The following TTLL3 variants were observed in gnomAD, a reference collection of about 807,000 sequenced individuals.
TTLL3 encodes tubulin monoglycylase TTLL3.
A neutral mutation model predicts 75.2 loss-of-function variants in TTLL3; 63 were observed. The ratio of observed to expected loss-of-function variants is 0.84; its 90% confidence interval spans 0.68 to 1.03. The LOEUF (loss-of-function observed/expected upper bound fraction) is 1.03. TTLL3 is among the 50% of genes least tolerant of loss of function. The pLI, the probability that TTLL3 is intolerant of heterozygous loss-of-function variation, is 0.00. For missense variants in TTLL3, 997 were observed against 1,069.9 expected, an observed-to-expected ratio of 0.93 and a Z score of 0.95; for synonymous variants, 393 against 418.5, an observed-to-expected ratio of 0.94 and a Z score of 0.74.
Position 9,817,728 on chromosome 3 carries a change from G to A in TTLL3, c.528G>A (p.Leu176=). The A allele has an allele frequency of 6.2e-7, 1 of 1,614,182 alleles. No individual in the cohort carries two copies. Among genetic ancestry groups the A allele is most frequent in the South Asian group, 1.1e-5 (1 of 91,086 alleles). ...ANSFFPRCYC[L]GAEDDKKAFI... ...CCTTCTTCCCACGCTGCTACTGCCT[G>A]GGGGCTGAGGATGACAAAAAAGCCT... The change falls in exon 6 of 14, where the codon CTG becomes CTA. Residue 176 remains leucine, a synonymous_variant. Coordinates refer to ENST00000685419, the MANE Select transcript of TTLL3 (RefSeq NM_001387446.1).
chr3:9,825,297 C>T (rs2080916091), intron 8 of TTLL3: 1 of 182,266 alleles, frequency 5.5e-6, no homozygotes, highest in Admixed American at 5.6e-5. Flanking sequence ...GTGATTTCAC[C>T]ACTGCACTTC....
chr3:9,820,855 G>T, intron 8 of TTLL3, 114 bp downstream of exon 8: 3 of 1,469,040 alleles, frequency 2.0e-6, no homozygotes, highest in Non-Finnish European at 1.8e-6. Context: ...TTACCCCGCT[G>T]TTCTGCTCAG....
Position 9,829,205 on chromosome 3 carries a change from C to T in TTLL3, c.1493C>T (p.Ala498Val), listed in dbSNP as rs925598626. The change falls in exon 11 of 14, where the codon GCT (alanine) becomes GTT (valine). Residue 498 changes from alanine (A) to valine (V), a missense_variant. Ala to Val is a moderately conservative substitution (Grantham distance 64, BLOSUM62 0). Transcript: ENST00000685419. ...AAGGCCAGCTTTGAGCTCTATGGCGCTGACTTCGTGTTCGGGGAGGACTTC... is the reference window on the plus strand; with the variant it reads ...AAGGCCAGCTTTGAGCTCTATGGCGTTGACTTCGTGTTCGGGGAGGACTTC... ...CRKASFELYG[A>V]DFVFGEDFQP... The T allele has an allele frequency of 3.1e-6, 5 of 1,614,228 alleles. No individual in the cohort carries two copies. The highest frequency in any genetic ancestry group is 4.2e-6 in the Non-Finnish European group (5 of 1,180,028).
intron 2 of TTLL3, among the ~76,000 whole-genome samples, chr3:9,812,236 C>T (rs1170782074): frequency 6.6e-6 from 1 of 152,004 alleles, no homozygotes; most frequent in African/African-American, 2.4e-5. Flanking sequence ...TATTTGGGCA[C>T]CAGATGAGGT....
upstream of TTLL3, chr3:9,809,827 A>T (rs1039001973): frequency 6.8e-6 from 3 of 440,224 alleles, no homozygotes; most frequent in Admixed American, 1.4e-4. Flanking sequence ...GCAGCCCCCA[A>T]CCAGCCCCGA....
chr3:9,825,828 ACT>A lies in TTLL3; in HGVS notation c.885_886del (p.Gln296GlyfsTer5). 6.2e-7 allele frequency: 1 copy of A among 1,614,048 alleles called. No individual in the cohort carries two copies. The highest frequency in any genetic ancestry group is 2.2e-5 in the East Asian group (1 of 44,880). On this transcript the variant is annotated frameshift_variant, in exon 9 of 14. Coordinates refer to ENST00000685419, the MANE Select transcript of TTLL3 (RefSeq NM_001387446.1). LOFTEE classifies it high-confidence loss of function. Reference sequence around the variant, plus strand: ...AGGGGCAGAACTCAGGCACCTCGACACTCAGGTCCAGCGCTGTGAGGACATCC... The same window carrying A: ...AGGGGCAGAACTCAGGCACCTCGACACAGGTCCAGCGCTGTGAGGACATCC... ...HEGAELRHLD[T>X]QVQRCEDILQ... is the part of the protein sequence containing the mutation.
Position 9,810,790 on chromosome 3 carries a change from TAAAAAACAAAAGCAAAAG to T in TTLL3, c.48+91_48+108del. 1 of 1,302,730 alleles carries T rather than the reference TAAAAAACAAAAGCAAAAG, an allele frequency of 7.7e-7. No homozygotes were observed. The highest frequency in any genetic ancestry group is 1.4e-5 in the South Asian group (1 of 70,490). The allele number at this position is 1,302,730 out of a possible 1,614,324, so 80.7% of individuals were successfully genotyped here. On this transcript the variant is annotated intron_variant, in intron 2 of 13. Coordinates refer to ENST00000685419, the MANE Select transcript of TTLL3 (RefSeq NM_001387446.1). The surrounding 1 kb of genome is among the most constrained non-coding windows in gnomAD (Gnocchi z 4.4). Reference sequence around the variant, plus strand: ...TCCCTGCGCTGTTTTCTTATATCCTTAAAAAACAAAAGCAAAAGAAAAAACAATAGCAAAAATCCTCAA... The same window carrying T: ...TCCCTGCGCTGTTTTCTTATATCCTTAAAAAACAATAGCAAAAATCCTCAA...
At chr3:9,833,569 C>T (rs1014457972) in intron 12 of TTLL3, among the ~76,000 whole-genome samples, 1 of 152,188 alleles carries the variant, frequency 6.6e-6, no homozygotes, top group Non-Finnish European at 1.5e-5. Context: ...CCCGAGTGTT[C>T]CAAGGCGATT....
At chr3:9,826,032 C>G (rs998600379) in intron 9 of TTLL3, 84 bp downstream of exon 9, 1 of 1,528,002 alleles carries the variant, frequency 6.5e-7, no homozygotes, top group African/African-American at 1.4e-5. Flanking sequence ...TAGTGCAGGT[C>G]TATTGAAGCC....
chr3:9,816,800 C>G (rs1258988463), intron 5 of TTLL3, among the ~76,000 whole-genome samples: 1 of 151,982 alleles, frequency 6.6e-6, no homozygotes, highest in Admixed American at 6.6e-5. Context: ...CGCAGCCTTA[C>G]CTGGTGTTCT....
intron 11 of TTLL3, 59 bp downstream of exon 11, chr3:9,829,454 C>G: frequency 1.3e-6 from 2 of 1,528,102 alleles, no homozygotes; most frequent in East Asian, 4.5e-5. Context: ...CCAGGCAGCC[C>G]TGCAGTGGAG....
intron 10 of TTLL3, chr3:9,828,704 T>G: frequency 1.9e-6 from 1 of 539,952 alleles, no homozygotes; most frequent in Non-Finnish European, 3.3e-6. Flanking sequence ...ACTGAGACTA[T>G]GCACAAAGCA....
At chr3:9,833,296 G>A in intron 12 of TTLL3, 51 bp downstream of exon 12, 1 of 1,602,234 alleles carries the variant, frequency 6.2e-7, no homozygotes, top group Non-Finnish European at 8.5e-7. Context: ...GAAAGGCACT[G>A]GGGCCAGGAG....
At chr3:9,820,318 C>G (rs547199535) in intron 7 of TTLL3, 1 of 1,380,828 alleles carries the variant, frequency 7.2e-7, no homozygotes, top group African/African-American at 1.5e-5. Context: ...TAGGGCAGAG[C>G]CTCGAGTGAC....
intron 8 of TTLL3, among the ~76,000 whole-genome samples, chr3:9,823,316 G>A (rs1297601684): frequency 6.6e-6 from 1 of 151,918 alleles, no homozygotes; most frequent in East Asian, 1.9e-4. Flanking sequence ...CCCAGAAGGC[G>A]GAGCTTGCAG....
upstream of TTLL3, chr3:9,810,033 C>A (rs1418932988): frequency 1.5e-6 from 2 of 1,325,614 alleles, no homozygotes. The surrounding 1 kb of genome is among the most constrained non-coding windows in gnomAD (Gnocchi z 4.4). Flanking sequence ...CGCCACTGCT[C>A]CTGAGCGCGA....
Position 9,810,346 on chromosome 3 carries a change from C to A in TTLL3, c.-90C>A. On this transcript the variant is annotated 5_prime_UTR_variant, in exon 1 of 14. Transcript: ENST00000685419. This position sits in a 1 kb window ranked among gnomAD's most constrained non-coding sequence, Gnocchi z 4.4. Reference sequence around the variant, plus strand: ...CGCCCAGGGCGCCTCGGATACCCACCCCCTCGGCCCCCCGCACACCCCGGT... The same window carrying A: ...CGCCCAGGGCGCCTCGGATACCCACACCCTCGGCCCCCCGCACACCCCGGT... 1 of 1,425,064 alleles carries A rather than the reference C, an allele frequency of 7.0e-7. No individual in the cohort carries two copies. Among genetic ancestry groups the A allele is most frequent in the Admixed American group, 3.0e-5 (1 of 33,620 alleles). 88.3% of individuals were successfully genotyped at this position (1,425,064 alleles called of 1,614,324 possible).
intron 4 of TTLL3, among the ~76,000 whole-genome samples, chr3:9,813,882 C>T (rs559687864): frequency 2.0e-5 from 3 of 152,220 alleles, no homozygotes; most frequent in Non-Finnish European, 4.4e-5. Context: ...CAGAGCTCTG[C>T]TAGGTCATAC....
intron 11 of TTLL3, among the ~76,000 whole-genome samples, chr3:9,832,524 G>T (rs2081649515): frequency 1.3e-5 from 2 of 152,216 alleles, no homozygotes; most frequent in Admixed American, 1.3e-4. Flanking sequence ...CTGGAGCCCA[G>T]CTGAGGGCAG....
Sources: gnomAD v4.1 joint callset for allele counts (sites outside exome capture counted in the v4.1 genomes callset) on GRCh38, gnomAD v4.1.1 for gene constraint, Gnocchi (gnomAD v3.1) non-coding constraint, MANE v1.5 for transcripts, NCBI Gene and HGNC (gene_info 2026-07-23, HGNC 2026-07-21) for gene names.